RIF1: variants seen among roughly 807,000 people sequenced by gnomAD.
RIF1 encodes telomere-associated protein RIF1.
Under a neutral mutation model 247.1 loss-of-function variants are expected in RIF1, and 45 were observed. The ratio of observed to expected loss-of-function variants is 0.18; its 90% CI spans 0.14 to 0.23. The LOEUF (loss-of-function observed/expected upper bound fraction) is 0.23. Among genes scored for constraint, RIF1 ranks in the 10% least tolerant of loss-of-function variants. The probability of loss-of-function intolerance (pLI) is 1.00; values close to 1 mark genes in which losing one functional copy is unlikely to be tolerated. For synonymous variants in RIF1, 1,087 were observed against 978.8 expected (o/e 1.11, Z -2.06); for missense variants, 2,967 against 2,862.5 (o/e 1.04, Z -0.83).
Position 151,464,734 on chromosome 2 carries a change from A to G in RIF1, c.5214A>G (p.Lys1738=). The part of the protein sequence containing the change: ...RSKGCDCCGE[K]SQPQEKSLIG... Reference sequence around the variant, plus strand: ...AAGGTTGTGATTGCTGTGGGGAAAAATCACAACCTCAGGAAAAGTCACTCA... The same window carrying G: ...AAGGTTGTGATTGCTGTGGGGAAAAGTCACAACCTCAGGAAAAGTCACTCA... Residue 1738 remains lysine, a synonymous_variant, in exon 30 of 36, where the codon AAA becomes AAG. Transcript: ENST00000444746. 1 of 1,613,582 alleles carries G rather than the reference A, an allele frequency of 6.2e-7. No homozygotes were observed. The highest frequency in any genetic ancestry group is 1.1e-5 in the South Asian group (1 of 90,948).
At chr2:151,459,601 AG>A (rs1453489294) in intron 25 of RIF1, among the ~76,000 whole-genome samples, 1 of 152,192 alleles carries the variant, frequency 6.6e-6, no homozygotes, top group Non-Finnish European at 1.5e-5. Context: ...TATTCTGTTG[AG>A]GGGAAATATG....
intron 20 of RIF1, among the ~76,000 whole-genome samples, chr2:151,450,812 G>C (rs1422456874): frequency 6.6e-6 from 1 of 152,132 alleles, no homozygotes; most frequent in Admixed American, 6.5e-5. Flanking sequence ...TCGAACTCCA[G>C]ACCTCAGGTG....
chr2:151,451,162 C>G (rs777996951), intron 20 of RIF1, among the ~76,000 whole-genome samples: 41 of 152,158 alleles, frequency 2.7e-4, no homozygotes, highest in Non-Finnish European at 5.6e-4. Flanking sequence ...CAACAGACCG[C>G]AAATCTAGTG....
At chr2:151,416,253 C>G (rs948785744) in intron 4 of RIF1, among the ~76,000 whole-genome samples, 1 of 152,140 alleles carries the variant, frequency 6.6e-6, no homozygotes, top group African/African-American at 2.4e-5. Context: ...AGCAGAGATG[C>G]AGGATTGAAA....
chr2:151,508,951 G>A (rs575979401), downstream of RIF1, among the ~76,000 whole-genome samples: 2 of 152,280 alleles, frequency 1.3e-5, no homozygotes, highest in Admixed American at 1.3e-4. Context: ...ATCATCGCTT[G>A]TCACTGTCCT....
At position 151,464,937 on chromosome 2, in the gene RIF1, CTATTAA is replaced by C; in HGVS notation, c.5419_5424del (p.Ile1807_Asn1808del). On this transcript the variant is annotated inframe_deletion, in exon 30 of 36. Transcript: ENST00000444746. ...TTGGGTCTCAAAGAGGATAATGATA[CTATTAA>C]TGATTCATTAATTGTTTCTGAAACC... 6.4e-7 allele frequency: 1 copy of C among 1,572,724 alleles called. No individual in the cohort carries two copies. Among genetic ancestry groups the C allele is most frequent in the Non-Finnish European group, 8.6e-7 (1 of 1,166,280 alleles).
chr2:151,451,545 A>C, intron 20 of RIF1, 61 bp from the exon 21 acceptor site: 1 of 819,174 alleles, frequency 1.2e-6, no homozygotes, highest in East Asian at 2.5e-5. Context: ...CATGTTGCTT[A>C]CTTTTGTTGA....
intron 10 of RIF1, among the ~76,000 whole-genome samples, chr2:151,434,437 ATT>A (rs754795986): frequency 0.032 from 3,466 of 106,942 alleles, 30 homozygotes; most frequent in East Asian, 0.15. Flanking sequence ...TGGTTTTTGA[ATT>A]TTTTTTTTTT....
Position 151,465,243 on chromosome 2 carries a change from A to C in RIF1, c.5723A>C (p.Glu1908Ala). ...GAAGGAAATGCATGTAAAGTAACAG[A>C]ATCCAATCTAGAGAAAGCAAAAACT... ...TVEGNACKVT[E>A]SNLEKAKTME... is the part of the protein sequence containing the mutation. Residue 1908 changes from glutamate to alanine, a missense_variant, in exon 30 of 36, where the codon GAA becomes GCA. Glu to Ala is a moderately radical substitution (Grantham distance 107). This residue lies in a region of RIF1 where 2,028 missense variants were observed against 1,825.6 expected (regional missense o/e 1.11). Coordinates refer to ENST00000444746, the MANE Select transcript of RIF1 (RefSeq NM_018151.5). 2 of 1,610,930 alleles carry C rather than the reference A, an allele frequency of 1.2e-6. No individual in the cohort carries two copies. Among genetic ancestry groups the C allele is most frequent in the Non-Finnish European group, 1.7e-6 (2 of 1,179,326 alleles).
chr2:151,500,455 G>T (rs937313086), intron 11 of RIF1, among the ~76,000 whole-genome samples: 19 of 151,434 alleles, frequency 1.3e-4, no homozygotes, highest in African/African-American at 4.1e-4. Context: ...GAGTTTTTCA[G>T]CAACAATATT....
chr2:151,423,296 G>A, intron 8 of RIF1: 2 of 373,496 alleles, frequency 5.4e-6, no homozygotes, highest in Non-Finnish European at 9.5e-6. Context: ...GGTCAAGCAA[G>A]GTTACGCTCT....
At chr2:151,424,196 C>T (rs530856621) in intron 8 of RIF1, among the ~76,000 whole-genome samples, 8 of 152,112 alleles carry the variant, frequency 5.3e-5, no homozygotes, top group Non-Finnish European at 8.8e-5. Flanking sequence ...CTCTGCCTCC[C>T]GGGTTCATGC....
intron 6 of RIF1, among the ~76,000 whole-genome samples, chr2:151,419,702 C>T (rs145419740): frequency 6.6e-4 from 101 of 152,188 alleles, no homozygotes; most frequent in African/African-American, 2.2e-3. Flanking sequence ...TGAATGAGAG[C>T]GCAGTAGATT....
chr2:151,444,152 A>G (rs1692830584), intron 18 of RIF1, among the ~76,000 whole-genome samples: 1 of 152,200 alleles, frequency 6.6e-6, no homozygotes, highest in Non-Finnish European at 1.5e-5. Context: ...TAAATCCTCA[A>G]TGTTTACCTA....
chr2:151,443,148 A>G, intron 16 of RIF1, 111 bp from the exon 17 acceptor site: 2 of 713,862 alleles, frequency 2.8e-6, no homozygotes, highest in African/African-American at 1.8e-5. Context: ...AAGTAATGCC[A>G]AAAGTTAAAT....
chr2:151,428,697 C>T, intron 8 of RIF1, 87 bp from the exon 9 acceptor site: 1 of 1,018,656 alleles, frequency 9.8e-7, no homozygotes. Flanking sequence ...CTAAGAGCAT[C>T]TGTTAAGTGA....
chr2:151,449,108 T>C (rs1322271216), intron 20 of RIF1, among the ~76,000 whole-genome samples: 1 of 152,364 alleles, frequency 6.6e-6, no homozygotes, highest in East Asian at 1.9e-4. Context: ...GTTTTTAAGC[T>C]GTTTTTTAAC....
At chr2:151,424,870 A>G (rs1688766541) in intron 8 of RIF1, among the ~76,000 whole-genome samples, 1 of 62,820 alleles carries the variant, frequency 1.6e-5, no homozygotes, top group Non-Finnish European at 2.8e-5. Context: ...TATTTTTTGT[A>G]GAGACTGGGT....
chr2:151,492,264 G>C, intron 9 of RIF1: 1 of 1,612,646 alleles, frequency 6.2e-7, no homozygotes. Flanking sequence ...GTTTCTCAAA[G>C]TCTTCATGAT....
Sources: allele counts gnomAD v4.1 joint callset (sites outside exome capture counted in the v4.1 genomes callset), GRCh38; gene constraint gnomAD v4.1.1; regional missense constraint gnomAD v4.1.1; transcripts MANE v1.5; gene names NCBI Gene and HGNC (gene_info 2026-07-23, HGNC 2026-07-21).